Variants in INPP5A observed in about 807,000 individuals in gnomAD.
INPP5A encodes inositol polyphosphate-5-phosphatase A, also known as 43 kDa inositol polyphosphate 5-phophatase.
INPP5A carries 14 observed loss-of-function variants against 65.2 expected under a neutral mutation model. The ratio of observed to expected loss-of-function variants is 0.21; its 90% CI spans 0.14 to 0.34. INPP5A has a LOEUF of 0.34. Ranked by LOEUF, INPP5A falls within the 10% of genes least tolerant of loss-of-function variation. The pLI is 1.00. For synonymous variants in INPP5A, 207 were observed against 208.3 expected (o/e 0.99, Z 0.05); for missense variants, 431 against 545.6 (o/e 0.79, Z 2.09).
intron 2 of INPP5A, among the ~76,000 whole-genome samples, chr10:132,618,134 T>G (rs903166565): frequency 6.6e-6 from 1 of 152,242 alleles, no homozygotes; most frequent in Non-Finnish European, 1.5e-5. Context: ...TAGGTACTTA[T>G]TCACTTTAAA....
rs112223325 is a variant in INPP5A at position 132,620,831 on chromosome 10, C to T, written c.117+12875C>T. Among the ~76,000 whole-genome samples, 1,239 of 152,250 alleles carry T rather than the reference C, an allele frequency of 8.1e-3. 15 individuals carry two copies. Among genetic ancestry groups the T allele is most frequent in the African/African-American group, 0.029 (1,189 of 41,548 alleles). The stretch of plus-strand genomic sequence containing the variant: ...ATTCTACAGAGCCTTTAGAAGAAGA[C>T]TGAGTCACAGATGATACTTTTTGAA... On this transcript the variant is annotated intron_variant, in intron 2 of 15. Transcript: ENST00000368594.
chr10:132,659,120 A>C lies in INPP5A; in HGVS notation c.306+8615A>C, dbSNP rs1021051817. The stretch of plus-strand genomic sequence containing the variant: ...GTGGGTCCCCAGCTCTGCAGGTGCC[A>C]CTCCCCACGCCAGTGTTCTCCAAAC... On this transcript the variant is annotated intron_variant, in intron 4 of 15. Coordinates refer to ENST00000368594, the MANE Select transcript of INPP5A (RefSeq NM_005539.5). The surrounding 1 kb of genome is among the most constrained non-coding windows in gnomAD (Gnocchi z 5.5). 2.0e-5 allele frequency among the ~76,000 whole-genome samples: 3 copies of C among 151,902 alleles called. No homozygotes were observed. Among genetic ancestry groups the C allele is most frequent in the Non-Finnish European group, 4.4e-5 (3 of 67,972 alleles).
chr10:132,682,269 A>T (rs1418564356), intron 4 of INPP5A, among the ~76,000 whole-genome samples: 3 of 149,510 alleles, frequency 2.0e-5, no homozygotes, highest in African/African-American at 7.3e-5. Context: ...GCTGGTCGGG[A>T]ACAGTCTCAG....
chr10:132,777,327 A>G (rs1847081567), intron 12 of INPP5A, among the ~76,000 whole-genome samples: 1 of 152,210 alleles, frequency 6.6e-6, no homozygotes. Flanking sequence ...ACCAGATGAC[A>G]CTGGCTGCCA....
chr10:132,619,596 C>A (rs773171528), intron 2 of INPP5A, among the ~76,000 whole-genome samples: 1 of 152,178 alleles, frequency 6.6e-6, no homozygotes, highest in Non-Finnish European at 1.5e-5. Context: ...GAGCTTTAAC[C>A]CCACATTTTC....
At chr10:132,571,240 C>G (rs1433589174) in intron 1 of INPP5A, among the ~76,000 whole-genome samples, 1 of 152,256 alleles carries the variant, frequency 6.6e-6, no homozygotes, top group African/African-American at 2.4e-5. Flanking sequence ...AAGGAGAGAT[C>G]GCCTAGCAAA....
At chr10:132,596,039 T>C (rs944794979) in intron 1 of INPP5A, among the ~76,000 whole-genome samples, 1 of 152,244 alleles carries the variant, frequency 6.6e-6, no homozygotes. Context: ...CTGCTTGGCC[T>C]GTGGGCTGAA....
chr10:132,708,420 C>T, intron 7 of INPP5A, 55 bp downstream of exon 7: 1 of 1,538,968 alleles, frequency 6.5e-7, no homozygotes, highest in Non-Finnish European at 9.0e-7. Context: ...CCTTTTATAT[C>T]TTGCACCAGC....
At chr10:132,694,198 T>A (rs558845972) in intron 5 of INPP5A, among the ~76,000 whole-genome samples, 39 of 152,264 alleles carry the variant, frequency 2.6e-4, no homozygotes, top group African/African-American at 7.5e-4. Flanking sequence ...TACAATGGAA[T>A]TAAACCAGAA....
At chr10:132,607,298 T>C (rs1384989180) in intron 1 of INPP5A, among the ~76,000 whole-genome samples, 3 of 152,240 alleles carry the variant, frequency 2.0e-5, no homozygotes, top group African/African-American at 4.8e-5. Flanking sequence ...GGCTGGAGTT[T>C]CCTTGCGTGT....
chr10:132,561,488 T>C (rs1311728104), intron 1 of INPP5A, among the ~76,000 whole-genome samples: 1 of 152,136 alleles, frequency 6.6e-6, no homozygotes, highest in Non-Finnish European at 1.5e-5. Context: ...GGCATCCTTG[T>C]TGGAAGTTAA....
At chr10:132,564,541 C>T (rs565303736) in intron 1 of INPP5A, among the ~76,000 whole-genome samples, 1 of 152,148 alleles carries the variant, frequency 6.6e-6, no homozygotes, top group Non-Finnish European at 1.5e-5. Flanking sequence ...AGTCGGTGGC[C>T]GTGAAAATAG....
chr10:132,563,748 A>C (rs1400227364), intron 1 of INPP5A, among the ~76,000 whole-genome samples: 11 of 152,222 alleles, frequency 7.2e-5, no homozygotes, highest in Non-Finnish European at 1.3e-4. Flanking sequence ...TCACCCCGAC[A>C]AGCAAATTGG....
chr10:132,619,850 G>A (rs1483163634), intron 2 of INPP5A, among the ~76,000 whole-genome samples: 1 of 152,172 alleles, frequency 6.6e-6, no homozygotes, highest in Non-Finnish European at 1.5e-5. Flanking sequence ...GTAGAGACAG[G>A]GTTTCACCAT....
At chr10:132,703,236 G>A (rs369038912) in intron 6 of INPP5A, among the ~76,000 whole-genome samples, 11 of 152,234 alleles carry the variant, frequency 7.2e-5, no homozygotes, top group South Asian at 2.1e-4. Flanking sequence ...ATCAGCTGGC[G>A]AGGACATGGA....
At chr10:132,716,878 G>C (rs1328652859) in intron 8 of INPP5A, among the ~76,000 whole-genome samples, 2 of 152,262 alleles carry the variant, frequency 1.3e-5, no homozygotes, top group African/African-American at 4.8e-5. Flanking sequence ...CTGCCGCCCT[G>C]CACGGGGCTC....
intron 11 of INPP5A, among the ~76,000 whole-genome samples, chr10:132,757,933 C>T (rs1846657935): frequency 6.7e-6 from 1 of 149,058 alleles, no homozygotes; most frequent in African/African-American, 2.5e-5. Flanking sequence ...CCTTGGCTGA[C>T]CCCACAGCCC....
intron 9 of INPP5A, among the ~76,000 whole-genome samples, chr10:132,746,164 A>G (rs1564996278): frequency 6.6e-6 from 1 of 152,124 alleles, no homozygotes; most frequent in Non-Finnish European, 1.5e-5. Flanking sequence ...CCAGGTAGAG[A>G]GTGGAGCCCA....
rs2072932126 is a variant in INPP5A, at chr10:132,674,153, C to T, written c.307-16239C>T. Reference sequence around the variant, plus strand: ...GAGCACTCACATGCGATACAAATATCTTCACAAATTTTGACCACTCAGAGA... The same window carrying T: ...GAGCACTCACATGCGATACAAATATTTTCACAAATTTTGACCACTCAGAGA... On this transcript the variant is annotated intron_variant, in intron 4 of 15. Transcript: ENST00000368594. This position sits in a 1 kb window ranked among gnomAD's most constrained non-coding sequence, Gnocchi z 4.4. Among the ~76,000 whole-genome samples the T allele has an allele frequency of 6.6e-6, 1 of 152,220 alleles. No individual in the cohort carries two copies. The highest frequency in any genetic ancestry group is 2.1e-4 in the South Asian group (1 of 4,816).
Sources: gnomAD v4.1 joint callset for allele counts (sites outside exome capture counted in the v4.1 genomes callset) on GRCh38, gnomAD v4.1.1 for gene constraint, Gnocchi (gnomAD v3.1) non-coding constraint, MANE v1.5 for transcripts, NCBI Gene and HGNC (gene_info 2026-07-23, HGNC 2026-07-21) for gene names.